PRX: variants seen among roughly 807,000 people sequenced by gnomAD.
PRX encodes periaxin.
In PRX, 24 loss-of-function variants were observed where a neutral mutation model predicts 29.6. The observed-to-expected ratio is 0.81, with a 90% CI of 0.59 to 1.14. The LOEUF is 1.14. Ranked by LOEUF, PRX falls within the 50% of genes most tolerant of loss-of-function variation. The probability of loss-of-function intolerance (pLI) is 0.00; values close to 1 mark genes in which losing one functional copy is unlikely to be tolerated. For synonymous variants in PRX, 772 were observed against 831.7 expected (o/e 0.93, Z 1.24); for missense variants, 1,838 against 1,926.4 (o/e 0.95, Z 0.86).
At position 40,396,675 on chromosome 19, in the gene PRX, C is replaced by T. The variant is rs137865843; in HGVS notation, c.1677G>A (p.Val559=). ...GCACCTCTGGCACAGCCACCTCTGA[C>T]ACCTCTGGGAGTTTCATCTCTGACA... ...PKVSEMKLPE[V]SEVAVPEVRL... is the part of the protein sequence containing the mutation. The change falls in exon 7 of 7, where the codon GTG becomes GTA. Residue 559 remains valine (V), a synonymous_variant. Coordinates refer to ENST00000324001, the MANE Select transcript of PRX (RefSeq NM_181882.3). The T allele has an allele frequency of 6.2e-7, 1 of 1,613,976 alleles. No individual in the cohort carries two copies. Among genetic ancestry groups the T allele is most frequent in the African/African-American group, 1.3e-5 (1 of 74,934 alleles).
In PRX at chr19:40,395,464, G is replaced by A. The variant is rs1187783058; in HGVS notation, c.2888C>T (p.Ala963Val). The change falls in exon 7 of 7, where the codon GCC becomes GTC. Residue 963 changes from alanine to valine, a missense_variant. Ala to Val is a moderately conservative substitution (Grantham distance 64). This residue lies in a region of PRX where 1,143 missense variants were observed against 1,193.0 expected (regional missense o/e 0.96). Transcript: ENST00000324001. ...RATKLKVSKF[A>V]ISLPKARVGA... ...CACCCGAGCCTTGGGGAGTGAGATG[G>A]CAAATTTGGATACCTTCAGCTTGGT... The A allele has an allele frequency of 6.8e-6, 11 of 1,613,946 alleles. No homozygotes were observed. Among genetic ancestry groups the A allele is most frequent in the Non-Finnish European group, 9.3e-6 (11 of 1,179,976 alleles).
intron 5 of PRX, among the ~76,000 whole-genome samples, chr19:40,400,288 C>CTT (rs998025771): frequency 7.1e-6 from 1 of 141,334 alleles, no homozygotes; most frequent in African/African-American, 2.6e-5. Flanking sequence ...AGCCCCTCCT[C>CTT]TTTTTTTTTT....
chr19:40,412,694 CCTCCTGCCCCAG>C (rs1363960781), intron 1 of PRX, among the ~76,000 whole-genome samples: 2 of 152,080 alleles, frequency 1.3e-5, no homozygotes, highest in Non-Finnish European at 2.9e-5. Context: ...CCACCCCAGG[CCTCCTGCCCCAG>C]CTCTGGTGTT....
At chr19:40,401,637 T>C (rs961763992) in intron 5 of PRX, among the ~76,000 whole-genome samples, 1 of 152,138 alleles carries the variant, frequency 6.6e-6, no homozygotes, top group African/African-American at 2.4e-5. Flanking sequence ...GACACTGGCT[T>C]CCTCACTGTT....
At chr19:40,406,030 T>A (rs1314506339) in intron 4 of PRX, among the ~76,000 whole-genome samples, 2 of 150,862 alleles carry the variant, frequency 1.3e-5, no homozygotes, top group Non-Finnish European at 3.0e-5. Flanking sequence ...GAGGATCACC[T>A]GAGGTCAGGA....
Position 40,398,610 on chromosome 19 carries a change from G to A in PRX, c.381+10C>T. ...CAGTCCAGGGCCGGGGCCGGGCTAA[G>A]CACGCGTACCAGCTTGGCCACCTTG... is the stretch of plus-strand genomic sequence containing the variant. On this transcript the variant is annotated intron_variant, in intron 6 of 6. Transcript: ENST00000324001. The surrounding 1 kb of genome is among the most constrained non-coding windows in gnomAD (Gnocchi z 6.3). The A allele has an allele frequency of 1.2e-6, 2 of 1,613,104 alleles. No individual in the cohort carries two copies. The highest frequency in any genetic ancestry group is 1.7e-6 in the Non-Finnish European group (2 of 1,179,762).
In PRX at chr19:40,397,079, G is replaced by A; in HGVS notation, c.1273C>T (p.Leu425Phe). Residue 425 changes from leucine (L) to phenylalanine (F), a missense_variant, in exon 7 of 7, where the codon CTT becomes TTT. Physicochemically the swap from Leu to Phe is conservative, Grantham distance 22. Transcript: ENST00000324001. The stretch of plus-strand genomic sequence containing the variant: ...TCGGGCCCTGACACTCCGATGCCAA[G>A]GGAGGGCATCTTGATGGTGGGCAGC... ...LKLPTIKMPSLGIGVSGPEVK... is the reference protein window; with the variant it reads ...LKLPTIKMPSFGIGVSGPEVK... 2 of 1,614,094 alleles carry A rather than the reference G, an allele frequency of 1.2e-6. No homozygotes were observed. The highest frequency in any genetic ancestry group is 1.7e-6 in the Non-Finnish European group (2 of 1,180,036).
In PRX at chr19:40,395,028, C is replaced by T. The variant is rs111964746; in HGVS notation, c.3324G>A (p.Glu1108=). ...CCACAGCCCCCTCTGCCCTCCCTTC[C>T]TCCTGGGCGCCCAGCGTGACCAGCT... ...EVELVTLGAQ[E]EGRAEGAVAV... The change falls in exon 7 of 7, where the codon GAG becomes GAA. Residue 1108 remains glutamate (E), a synonymous_variant. Transcript: ENST00000324001. 8.2e-5 allele frequency: 132 copies of T among 1,610,806 alleles called. No homozygotes were observed. The African/African-American group carries it at 1.5e-3, about 18-fold the overall frequency.
rs1365470014 is a variant in PRX at position 40,398,896 on chromosome 19, C to A, written c.185-80G>T. 1.1e-5 allele frequency: 18 copies of A among 1,598,786 alleles called. No individual in the cohort carries two copies. Among genetic ancestry groups the A allele is most frequent in the Non-Finnish European group, 1.5e-5 (17 of 1,172,192 alleles). On this transcript the variant is annotated intron_variant, in intron 5 of 6. Coordinates refer to ENST00000324001, the MANE Select transcript of PRX (RefSeq NM_181882.3). The surrounding 1 kb of genome is among the most constrained non-coding windows in gnomAD (Gnocchi z 6.3). ...CCTAGTTCTGCCCACTTGCACGGAG[C>A]CCTCGCGGTGAGGACCCGCCCCAAA...
chr19:40,407,271 T>C (rs268669), intron 4 of PRX, among the ~76,000 whole-genome samples: 1 of 148,874 alleles, frequency 6.7e-6, no homozygotes, highest in African/African-American at 2.6e-5. Flanking sequence ...GGGTCTTTTT[T>C]TTTTTTTCTT....
rs71171569 is a variant in PRX, at chr19:40,400,592, C to CAAAAAAAAAAAAAAAAAAAAAAAAA, written c.185-1801_185-1777dup. On this transcript the variant is annotated intron_variant, in intron 5 of 6. Transcript: ENST00000324001. ...GGGCAACAAGAGCGAAATTCCATCTCAAAAAAAAAAAAAAAAAAAAAAAAA... is the reference window on the plus strand; with the variant it reads ...GGGCAACAAGAGCGAAATTCCATCTCAAAAAAAAAAAAAAAAAAAAAAAAAAAAAAAAAAAAAAAAAAAAAAAAAA... 2.2e-4 allele frequency among the ~76,000 whole-genome samples: 10 copies of CAAAAAAAAAAAAAAAAAAAAAAAAA among 44,818 alleles called. 1 individual carries two copies. The highest frequency in any genetic ancestry group is 3.3e-4 in the Admixed American group (1 of 2,988). 29.4% of individuals were successfully genotyped at this position (44,818 alleles called of 152,430 possible).
Position 40,398,755 on chromosome 19 carries a change from G to C in PRX, c.246C>G (p.Arg82=). The change falls in exon 6 of 7, where the codon CGC becomes CGG. Residue 82 remains arginine (R), a synonymous_variant. Transcript: ENST00000324001. The surrounding 1 kb of genome is among the most constrained non-coding windows in gnomAD (Gnocchi z 6.3). ...TGTAAGGCTCGGCGCATTGCAGCAG[G>C]CGTAGTGCGTCCTCGTACTTGAAGT... is the stretch of plus-strand genomic sequence containing the variant. ...FENFKYEDAL[R]LLQCAEPYKV... 1 of 1,614,110 alleles carries C rather than the reference G, an allele frequency of 6.2e-7. No homozygotes were observed. Among genetic ancestry groups the C allele is most frequent in the Non-Finnish European group, 8.5e-7 (1 of 1,179,982 alleles).
intron 4 of PRX, among the ~76,000 whole-genome samples, chr19:40,406,771 C>CTT (rs59493934): frequency 0.02 from 2,425 of 121,272 alleles, 108 homozygotes; most frequent in Admixed American, 0.09. Context: ...ACCTCCATTT[C>CTT]TTTTTTTTTT....
intron 5 of PRX, among the ~76,000 whole-genome samples, chr19:40,403,220 T>C (rs569009388): frequency 6.6e-6 from 1 of 152,282 alleles, no homozygotes; most frequent in South Asian, 2.1e-4. Context: ...AATAAATAGT[T>C]GTTGCATGAA....
intron 5 of PRX, among the ~76,000 whole-genome samples, chr19:40,401,093 C>T (rs1045631671): frequency 1.3e-5 from 2 of 152,274 alleles, no homozygotes; most frequent in South Asian, 2.1e-4. Flanking sequence ...CCAGATCCAT[C>T]CTGGACAACC....
In PRX at chr19:40,395,254, G is replaced by A; in HGVS notation, c.3098C>T (p.Thr1033Ile). Residue 1033 changes from threonine to isoleucine, a missense_variant, in exon 7 of 7, where the codon ACT (threonine) becomes ATT (isoleucine). Around this residue, in one of 3 missense-constraint regions of PRX, gnomAD observed 1,143 missense variants for 1,193.0 expected, o/e 0.96. Transcript: ENST00000324001. ...LPKFGVRGRD[T>I]EAAELVPGVA... ...CCCTGGCACTAGTTCTGCTGCCTCAGTGTCCCGGCCTCTGACCCCAAACTT... is the reference window on the plus strand; with the variant it reads ...CCCTGGCACTAGTTCTGCTGCCTCAATGTCCCGGCCTCTGACCCCAAACTT... The A allele has an allele frequency of 6.2e-7, 1 of 1,613,914 alleles. No homozygotes were observed. The highest frequency in any genetic ancestry group is 8.5e-7 in the Non-Finnish European group (1 of 1,180,008).
chr19:40,412,085 G>A (rs1206878068), intron 1 of PRX, among the ~76,000 whole-genome samples: 2 of 152,206 alleles, frequency 1.3e-5, no homozygotes, highest in Non-Finnish European at 2.9e-5. Flanking sequence ...CTGAGGGATC[G>A]GCTGAGGGCA....
chr19:40,410,170 G>A (rs764582849), intron 1 of PRX, among the ~76,000 whole-genome samples: 10 of 152,180 alleles, frequency 6.6e-5, no homozygotes, highest in East Asian at 1.9e-4. Flanking sequence ...GCAGCCACCC[G>A]CCAGGCCCAT....
intron 4 of PRX, 28 bp downstream of exon 4, chr19:40,407,878 G>A: frequency 6.2e-7 from 1 of 1,612,596 alleles, no homozygotes; most frequent in Non-Finnish European, 8.5e-7. Flanking sequence ...GCCCTCAAGT[G>A]CGCCTTGCAG....
Sources: gnomAD v4.1 joint callset for allele counts (sites outside exome capture counted in the v4.1 genomes callset) on GRCh38, gnomAD v4.1.1 for gene constraint, gnomAD v4.1.1 regional missense constraint, Gnocchi (gnomAD v3.1) non-coding constraint, MANE v1.5 for transcripts, NCBI Gene and HGNC (gene_info 2026-07-23, HGNC 2026-07-21) for gene names.